The following PLEKHG1 variants were observed in gnomAD, a reference collection of about 807,000 sequenced individuals.
PLEKHG1 encodes the protein pleckstrin homology and RhoGEF domain containing G1, also known as pleckstrin homology domain-containing family G member 1.
A neutral mutation model predicts 100.8 loss-of-function variants in PLEKHG1; 44 were observed. The observed-to-expected ratio is 0.44, with a 90% CI of 0.34 to 0.56. PLEKHG1 has a LOEUF of 0.56. Ranked by LOEUF, PLEKHG1 falls within the 20% of genes least tolerant of loss-of-function variation. PLEKHG1 has a pLI of 0.01. For missense variants in PLEKHG1, 1,545 were observed against 1,720.9 expected (o/e 0.90, Z 1.81); for synonymous variants, 640 against 662.5 (o/e 0.97, Z 0.52).
chr6:150,613,989 T>G (rs1238495780), intron 1 of PLEKHG1, among the ~76,000 whole-genome samples: 4 of 152,244 alleles, frequency 2.6e-5, no homozygotes, highest in African/African-American at 4.8e-5. Context: ...TTTTGGTCTA[T>G]TTTGTTCACT....
chr6:150,776,868 G>A (rs1211113170), intron 3 of PLEKHG1, among the ~76,000 whole-genome samples: 5 of 151,296 alleles, frequency 3.3e-5, no homozygotes, highest in Non-Finnish European at 2.9e-5. Context: ...ATGCAATCCT[G>A]GTGCACATGT....
chr6:150,682,565 C>T (rs906075527), intron 3 of PLEKHG1, among the ~76,000 whole-genome samples: 1 of 151,990 alleles, frequency 6.6e-6, no homozygotes, highest in African/African-American at 2.4e-5. Flanking sequence ...AAACTCTCAC[C>T]TTTATTGCTG....
At chr6:150,840,845 C>T in exon 16 of PLEKHG1, 2 of 1,613,880 alleles carry the variant, frequency 1.2e-6, no homozygotes, top group Non-Finnish European at 8.5e-7. Context: ...AAAATATTGT[C>T]CAGTCTCTAA....
At chr6:150,742,088 A>G (rs900264500) in intron 2 of PLEKHG1, among the ~76,000 whole-genome samples, 1 of 152,248 alleles carries the variant, frequency 6.6e-6, no homozygotes, top group Non-Finnish European at 1.5e-5. Flanking sequence ...TAACTATATT[A>G]GGCCATTCTT....
intron 3 of PLEKHG1, among the ~76,000 whole-genome samples, chr6:150,661,549 T>G (rs1399044281): frequency 6.6e-6 from 1 of 152,194 alleles, no homozygotes; most frequent in Non-Finnish European, 1.5e-5. Context: ...TGAAATACAG[T>G]TAGGGCCATC....
chr6:150,633,358 C>T (rs1167874191), intron 1 of PLEKHG1: 1 of 153,520 alleles, frequency 6.5e-6, no homozygotes, highest in East Asian at 1.9e-4. Flanking sequence ...GGACCCCAGT[C>T]CAGGGCAGCA....
intron 1 of PLEKHG1, among the ~76,000 whole-genome samples, chr6:150,722,502 C>T (rs141446508): frequency 0.018 from 2,716 of 151,902 alleles, 34 homozygotes; most frequent in Non-Finnish European, 0.025. Flanking sequence ...TACAGGCACG[C>T]GCCACCATGC....
At chr6:150,748,792 T>G (rs1783323501) in intron 2 of PLEKHG1, among the ~76,000 whole-genome samples, 1 of 151,698 alleles carries the variant, frequency 6.6e-6, no homozygotes, top group Admixed American at 6.6e-5. Flanking sequence ...CCGGCTAATT[T>G]TTTTTGTATT....
Position 150,733,577 on chromosome 6 carries a change from C to T in PLEKHG1, c.-98-7C>T. The T allele has an allele frequency of 6.3e-7, 1 of 1,598,810 alleles. No individual in the cohort carries two copies. The highest frequency in any genetic ancestry group is 8.5e-7 in the Non-Finnish European group (1 of 1,172,730). ...CTTGTCCTTTTTATTTTCTTTAATG[C>T]ATATAGATGGGCACCAGTTGCGTCT... On this transcript the variant is annotated splice_region_variant and splice_polypyrimidine_tract_variant and intron_variant, in intron 1 of 15. Coordinates refer to ENST00000358517, the Ensembl canonical transcript of PLEKHG1.
intron 3 of PLEKHG1, among the ~76,000 whole-genome samples, chr6:150,782,106 G>T (rs1016633013): frequency 6.6e-6 from 1 of 151,902 alleles, no homozygotes; most frequent in Non-Finnish European, 1.5e-5. Context: ...GTGCAAGATA[G>T]GCCAGTGGAT....
chr6:150,698,549 C>T (rs1412420569), intron 3 of PLEKHG1, among the ~76,000 whole-genome samples: 1 of 142,806 alleles, frequency 7.0e-6, no homozygotes, highest in African/African-American at 2.7e-5. Context: ...TATTTTGGCA[C>T]TTTTAACAAA....
At chr6:150,814,703 C>T (rs1463690897) in intron 10 of PLEKHG1, among the ~76,000 whole-genome samples, 1 of 152,130 alleles carries the variant, frequency 6.6e-6, no homozygotes, top group Non-Finnish European at 1.5e-5. Context: ...AATAAAAACA[C>T]CTTTTTTTGT....
intron 5 of PLEKHG1, 66 bp from the exon 7 acceptor site, chr6:150,800,653 C>T (rs1390996996): frequency 6.9e-7 from 1 of 1,447,392 alleles, no homozygotes; most frequent in Non-Finnish European, 9.6e-7. Context: ...CTTGCAATAG[C>T]ATTTAAAATT....
chr6:150,750,302 T>C (rs1414384613), intron 2 of PLEKHG1, among the ~76,000 whole-genome samples: 3 of 152,114 alleles, frequency 2.0e-5, no homozygotes, highest in Admixed American at 2.0e-4. Flanking sequence ...GGAATCTTTC[T>C]AAAGCCGAGG....
At chr6:150,607,643 T>C (rs942018442) in intron 1 of PLEKHG1, among the ~76,000 whole-genome samples, 2 of 152,022 alleles carry the variant, frequency 1.3e-5, no homozygotes, top group African/African-American at 2.4e-5. Context: ...GATTACTGAG[T>C]GGGTGGTAGG....
At chr6:150,628,576 A>ACACACACACACC (rs1317085737) in intron 1 of PLEKHG1, among the ~76,000 whole-genome samples, 34 of 108,172 alleles carry the variant, frequency 3.1e-4, no homozygotes, top group African/African-American at 9.4e-4. Flanking sequence ...ACACACACAC[A>ACACACACACACC]CCCCGTCCTT....
chr6:150,832,841 C>T (rs967778041), intron 15 of PLEKHG1, among the ~76,000 whole-genome samples: 2 of 151,576 alleles, frequency 1.3e-5, no homozygotes, highest in African/African-American at 4.9e-5. Context: ...CCATGCCCAG[C>T]TACTTTTTAC....
At chr6:150,643,159 A>G (rs1778341961) in intron 2 of PLEKHG1, among the ~76,000 whole-genome samples, 1 of 152,198 alleles carries the variant, frequency 6.6e-6, no homozygotes, top group African/African-American at 2.4e-5. Flanking sequence ...ATTAGAATTA[A>G]TTATCCTTTG....
intron 3 of PLEKHG1, among the ~76,000 whole-genome samples, chr6:150,674,628 CCTCCCTCTCTCTCTCTCTCTCTCT>C (rs1388592922): frequency 1.9e-5 from 1 of 51,846 alleles, no homozygotes; most frequent in African/African-American, 7.7e-5. Flanking sequence ...TTCTCTCTCT[CCTCCCTCTCTCTCTCTCTCTCTCT>C]CTCTCTCTCT....
Sources: allele counts gnomAD v4.1 joint callset (sites outside exome capture counted in the v4.1 genomes callset), GRCh38; gene constraint gnomAD v4.1.1; transcripts MANE v1.5; gene names NCBI Gene and HGNC (gene_info 2026-07-23, HGNC 2026-07-21).